Variants in ZC3H12B observed in about 807,000 individuals in gnomAD.
ZC3H12B encodes zinc finger CCCH-type containing 12B, also known as probable ribonuclease ZC3H12B.
ZC3H12B carries 7 observed loss-of-function variants against 43.9 expected under a neutral mutation model. The ratio of observed to expected loss-of-function variants is 0.16; its 90% CI spans 0.09 to 0.30. ZC3H12B has a LOEUF of 0.30. Ranked by LOEUF, ZC3H12B falls within the 10% of genes least tolerant of loss-of-function variation. The probability of loss-of-function intolerance (pLI) is 1.00; values close to 1 mark genes in which losing one functional copy is unlikely to be tolerated. For missense variants in ZC3H12B, 475 were observed against 670.2 expected, an observed-to-expected ratio of 0.71 and a Z score of 3.22; for synonymous variants, 222 against 241.7, an observed-to-expected ratio of 0.92 and a Z score of 0.76.
chrX:65,115,721 T>C, the ZC3H12B span, among the ~76,000 whole-genome samples: 1 of 111,407 alleles, frequency 9.0e-6, no homozygotes, highest in African/African-American at 3.3e-5. Context: ...AGCATGTATT[T>C]TTTTAATTTT....
the ZC3H12B span, among the ~76,000 whole-genome samples, chrX:65,182,721 CAAA>C: frequency 1.1e-5 from 1 of 89,101 alleles, no homozygotes; most frequent in Non-Finnish European, 2.3e-5. Flanking sequence ...GTTTCACAAA[CAAA>C]AAAAAAAACA....
chrX:65,287,756 C>T, the ZC3H12B span, among the ~76,000 whole-genome samples: 1 of 110,792 alleles, frequency 9.0e-6, no homozygotes, highest in Non-Finnish European at 1.9e-5. Context: ...CCTCAAGGAA[C>T]TAGACAAAAC....
intron 3 of ZC3H12B, among the ~76,000 whole-genome samples, chrX:65,452,907 T>A (rs1197541697): frequency 9.3e-6 from 1 of 107,689 alleles, no homozygotes; most frequent in African/African-American, 3.5e-5. Context: ...AAAATCAATA[T>A]TGTAAAAATG....
chrX:65,266,846 A>T, the ZC3H12B span, among the ~76,000 whole-genome samples: 1 of 111,081 alleles, frequency 9.0e-6, no homozygotes, highest in African/African-American at 3.3e-5. Flanking sequence ...TGTTGAAAAG[A>T]TTTAAAGGTA....
At chrX:65,366,211 C>A (rs771191862), upstream of ZC3H12B, among the ~76,000 whole-genome samples, 1 of 108,645 alleles carries the variant, frequency 9.2e-6, no homozygotes, top group African/African-American at 3.3e-5. Flanking sequence ...TTTTCCCCAT[C>A]AGGGGAAAAA....
At chrX:65,138,258 C>A in the ZC3H12B span, among the ~76,000 whole-genome samples, 1 of 111,846 alleles carries the variant, frequency 8.9e-6, no homozygotes, top group African/African-American at 3.2e-5. Context: ...CACCCCTAAC[C>A]CTTTCCAACC....
chrX:65,110,603 C>T, the ZC3H12B span, among the ~76,000 whole-genome samples: 2 of 111,191 alleles, frequency 1.8e-5, no homozygotes. Flanking sequence ...ATTTCTGTTC[C>T]ACTAGCCTGT....
chrX:65,408,394 G>A (rs2148062121), intron 3 of ZC3H12B: 6 of 1,202,772 alleles, frequency 5.0e-6, no homozygotes, highest in Non-Finnish European at 6.8e-6. Flanking sequence ...AACAACAGGT[G>A]GCCCAGGCTG....
chrX:65,116,615 T>G, the ZC3H12B span, among the ~76,000 whole-genome samples: 5 of 110,665 alleles, frequency 4.5e-5, no homozygotes, highest in South Asian at 1.2e-3. Context: ...GTGTACAACA[T>G]GCAGGTTTGT....
chrX:65,464,640 A>G (rs1245293680), intron 3 of ZC3H12B, among the ~76,000 whole-genome samples: 1 of 109,807 alleles, frequency 9.1e-6, no homozygotes, highest in African/African-American at 3.3e-5. Context: ...TATTTTCTTC[A>G]TTCTCCTTGA....
At chrX:65,399,237 G>A (rs977358685) in intron 3 of ZC3H12B, among the ~76,000 whole-genome samples, 2 of 112,175 alleles carry the variant, frequency 1.8e-5, no homozygotes, top group African/African-American at 6.5e-5. Flanking sequence ...AAAATGCACA[G>A]ACAACCTACA....
chrX:65,368,343 A>T (rs763836945), intron 1 of ZC3H12B, among the ~76,000 whole-genome samples: 5 of 111,585 alleles, frequency 4.5e-5, no homozygotes, highest in African/African-American at 1.6e-4. Flanking sequence ...TTATGATCTT[A>T]TTTTGTTTTG....
chrX:65,199,901 C>A, the ZC3H12B span, among the ~76,000 whole-genome samples: 2 of 109,903 alleles, frequency 1.8e-5, no homozygotes, highest in Non-Finnish European at 3.8e-5. Flanking sequence ...AATAGTGCTG[C>A]AATGAACATA....
intron 2 of ZC3H12B, among the ~76,000 whole-genome samples, chrX:65,381,626 A>C (rs1280638960): frequency 1.8e-5 from 2 of 112,184 alleles, no homozygotes; most frequent in Admixed American, 9.5e-5. Flanking sequence ...AAGGAAATAG[A>C]GACACAAAAA....
the ZC3H12B span, among the ~76,000 whole-genome samples, chrX:65,180,602 C>G: frequency 9.0e-6 from 1 of 111,378 alleles, no homozygotes; most frequent in East Asian, 2.8e-4. Flanking sequence ...AAATCACAAG[C>G]ATTTCTATAC....
At chrX:65,213,152 A>G in the ZC3H12B span, among the ~76,000 whole-genome samples, 2 of 109,770 alleles carry the variant, frequency 1.8e-5, no homozygotes, top group Non-Finnish European at 3.8e-5. Context: ...TAAAATTTAT[A>G]TTAATGATAT....
At chrX:65,344,141 G>T in the ZC3H12B span, among the ~76,000 whole-genome samples, 1 of 112,102 alleles carries the variant, frequency 8.9e-6, no homozygotes. Context: ...AAAGATTTCT[G>T]CAATGAGAAC....
At chrX:65,435,162 A>T (rs1396530202) in intron 3 of ZC3H12B, among the ~76,000 whole-genome samples, 2 of 111,661 alleles carry the variant, frequency 1.8e-5, no homozygotes, top group Non-Finnish European at 3.8e-5. Context: ...CTGTGTTCTG[A>T]TTTTTAACAA....
At chrX:65,257,939 A>G in the ZC3H12B span, among the ~76,000 whole-genome samples, 1 of 111,346 alleles carries the variant, frequency 9.0e-6, no homozygotes, top group South Asian at 3.8e-4. Context: ...TCACAGCTGA[A>G]TCCCACCAGA....
Sources: allele counts gnomAD v4.1 joint callset (sites outside exome capture counted in the v4.1 genomes callset), GRCh38; gene constraint gnomAD v4.1.1; transcripts MANE v1.5; gene names NCBI Gene and HGNC (gene_info 2026-07-23, HGNC 2026-07-21).